The following FAM210A variants were observed in gnomAD, a reference collection of about 807,000 sequenced individuals.
FAM210A encodes the protein family with sequence similarity 210 member A.
A neutral mutation model predicts 25.3 loss-of-function variants in FAM210A; 13 were observed. The ratio of observed to expected loss-of-function variants is 0.51; its 90% CI spans 0.33 to 0.82. The LOEUF (loss-of-function observed/expected upper bound fraction) is 0.82. Ranked by LOEUF, FAM210A falls within the 40% of genes least tolerant of loss-of-function variation. The pLI is 0.02. For synonymous variants in FAM210A, 125 were observed against 118.7 expected (o/e 1.05, Z -0.35); for missense variants, 319 against 323.2 (o/e 0.99, Z 0.10).
intron 2 of FAM210A, among the ~76,000 whole-genome samples, chr18:13,673,312 GATT>G (rs771428918): frequency 6.9e-5 from 9 of 130,096 alleles, no homozygotes; most frequent in Admixed American, 2.6e-4. Context: ...CCAGTTTCCT[GATT>G]ATTAACATTC....
chr18:13,670,256 T>G (rs1232615006), intron 3 of FAM210A, among the ~76,000 whole-genome samples: 1 of 152,190 alleles, frequency 6.6e-6, no homozygotes, highest in Non-Finnish European at 1.5e-5. Context: ...TAAGGAGCAA[T>G]TAAATTAGGG....
intron 1 of FAM210A, among the ~76,000 whole-genome samples, chr18:13,694,594 C>A (rs1008111946): frequency 6.6e-6 from 1 of 152,122 alleles, no homozygotes; most frequent in Non-Finnish European, 1.5e-5. Flanking sequence ...TTTGACAAAC[C>A]TGACAAAAAC....
In FAM210A at chr18:13,671,916, G is replaced by A; in HGVS notation, c.531C>T (p.Ser177=). 1 of 1,613,120 alleles carries A rather than the reference G, an allele frequency of 6.2e-7. No individual in the cohort carries two copies. Among genetic ancestry groups the A allele is most frequent in the Non-Finnish European group, 8.5e-7 (1 of 1,179,726 alleles). ...ELIGLPDSVV[S]ILKNSQSGNA... Reference sequence around the variant, plus strand: ...TTCCACTCTGGGAGTTTTTCAGGATGCTTACCACACTGTCAGGTAACCCAA... The same window carrying A: ...TTCCACTCTGGGAGTTTTTCAGGATACTTACCACACTGTCAGGTAACCCAA... The change falls in exon 3 of 4, where the codon AGC becomes AGT. Residue 177 remains serine (S), a synonymous_variant. Transcript: ENST00000651643.
chr18:13,681,518 T>A, intron 2 of FAM210A, 87 bp downstream of exon 2: 1 of 1,081,010 alleles, frequency 9.3e-7, no homozygotes, highest in Non-Finnish European at 1.3e-6. Flanking sequence ...TTAAAGCATT[T>A]AAAAATCTAA....
rs1201200943 is a variant in FAM210A, at chr18:13,666,372, A to G, written c.*108T>C. 5 of 757,086 alleles carry G rather than the reference A, an allele frequency of 6.6e-6. No individual in the cohort carries two copies. The Admixed American group carries it at 1.4e-4, about 21-fold the overall frequency. 46.9% of individuals were successfully genotyped at this position (757,086 alleles called of 1,614,324 possible). On this transcript the variant is annotated 3_prime_UTR_variant, in exon 4 of 4. Coordinates refer to ENST00000651643, the MANE Select transcript of FAM210A (RefSeq NM_152352.4). ...TTACTTCTTTAACCCTCAGAGAACTAGTATATTTCGGCAACTAACCAAAAA... is the reference window on the plus strand; with the variant it reads ...TTACTTCTTTAACCCTCAGAGAACTGGTATATTTCGGCAACTAACCAAAAA...
intron 2 of FAM210A, among the ~76,000 whole-genome samples, chr18:13,675,003 TGATTATTAA>T (rs1437150405): frequency 1.0e-4 from 15 of 147,402 alleles, no homozygotes; most frequent in Admixed American, 1.4e-4. Context: ...TCCTGTTTCC[TGATTATTAA>T]CATTCCTGAG....
intron 1 of FAM210A, among the ~76,000 whole-genome samples, chr18:13,695,121 C>G (rs2043681379): frequency 6.6e-6 from 1 of 152,196 alleles, no homozygotes; most frequent in South Asian, 2.1e-4. Context: ...AAATGCTCAT[C>G]ATCACTGGCC....
At chr18:13,672,698 G>A (rs1346931908) in intron 2 of FAM210A, among the ~76,000 whole-genome samples, 1 of 152,210 alleles carries the variant, frequency 6.6e-6, no homozygotes, top group East Asian at 1.9e-4. Context: ...ATGAGCCACA[G>A]TGCCCAGCCA....
chr18:13,709,231 G>T (rs2043803775), intron 1 of FAM210A, among the ~76,000 whole-genome samples: 1 of 152,024 alleles, frequency 6.6e-6, no homozygotes, highest in South Asian at 2.1e-4. Context: ...ATTTTTCTTT[G>T]AGTAACAGCC....
chr18:13,695,868 A>T (rs1481202275), intron 1 of FAM210A, among the ~76,000 whole-genome samples: 2 of 152,202 alleles, frequency 1.3e-5, no homozygotes, highest in African/African-American at 2.4e-5. Context: ...TATATATATA[A>T]AAAGACTCCT....
At chr18:13,706,250 A>G (rs2043777125) in intron 1 of FAM210A, among the ~76,000 whole-genome samples, 1 of 151,914 alleles carries the variant, frequency 6.6e-6, no homozygotes, top group South Asian at 2.1e-4. Flanking sequence ...TGATGTGAAC[A>G]GCTTTTCCCA....
intron 1 of FAM210A, among the ~76,000 whole-genome samples, chr18:13,721,586 C>G (rs1027350168): frequency 2.0e-5 from 3 of 152,126 alleles, no homozygotes; most frequent in African/African-American, 7.2e-5. Flanking sequence ...TCTACTTGGC[C>G]TTTCCTACCA....
At chr18:13,723,256 A>C (rs2043911173) in intron 1 of FAM210A, among the ~76,000 whole-genome samples, 1 of 152,198 alleles carries the variant, frequency 6.6e-6, no homozygotes, top group South Asian at 2.1e-4. Context: ...GAAACACTAT[A>C]ATCAATTCAG....
chr18:13,675,925 G>C (rs2043494686), intron 2 of FAM210A, among the ~76,000 whole-genome samples: 1 of 104,960 alleles, frequency 9.5e-6, no homozygotes, highest in Non-Finnish European at 2.0e-5. Context: ...TAACATTCCT[G>C]AGCCCGACCT....
intron 1 of FAM210A, among the ~76,000 whole-genome samples, chr18:13,698,547 A>G (rs185920622): frequency 1.3e-3 from 192 of 152,056 alleles, no homozygotes; most frequent in African/African-American, 4.3e-3. Flanking sequence ...GTTAGTCCAA[A>G]CTGCTTTTGT....
intron 1 of FAM210A, chr18:13,710,612 C>T (rs2043813998): frequency 6.6e-6 from 1 of 152,186 alleles, no homozygotes. Context: ...ATTGTACAAC[C>T]TAAGATTGGT....
chr18:13,708,509 T>C (rs144521612), intron 1 of FAM210A, among the ~76,000 whole-genome samples: 68 of 152,300 alleles, frequency 4.5e-4, no homozygotes, highest in African/African-American at 1.4e-3. Flanking sequence ...ACAGAAGCCC[T>C]ACCCTAAGTT....
At chr18:13,671,808 A>G in intron 3 of FAM210A, 54 bp downstream of exon 3, 1 of 1,099,954 alleles carries the variant, frequency 9.1e-7, no homozygotes, top group Admixed American at 1.8e-5. Flanking sequence ...TGGGAAAGTG[A>G]GCAGGTCACC....
chr18:13,672,560 C>T (rs1310361960), intron 2 of FAM210A, among the ~76,000 whole-genome samples: 1 of 152,132 alleles, frequency 6.6e-6, no homozygotes, highest in African/African-American at 2.4e-5. Flanking sequence ...AGACACGCAA[C>T]CACCACGCCT....
Sources: gnomAD v4.1 joint callset for allele counts (sites outside exome capture counted in the v4.1 genomes callset) on GRCh38, gnomAD v4.1.1 for gene constraint, MANE v1.5 for transcripts, NCBI Gene and HGNC (gene_info 2026-07-23, HGNC 2026-07-21) for gene names.